SHANK1: variants seen among roughly 807,000 people sequenced by gnomAD.
SHANK1 encodes SH3 and multiple ankyrin repeat domains protein 1.
A neutral mutation model predicts 165.6 loss-of-function variants in SHANK1; 35 were observed. The observed-to-expected ratio is 0.21, with a 90% CI of 0.16 to 0.28. The LOEUF (loss-of-function observed/expected upper bound fraction) is 0.28, where lower values mean the gene tolerates loss of function less well. Among genes scored for constraint, SHANK1 ranks in the 10% least tolerant of loss-of-function variants. The probability of loss-of-function intolerance (pLI) is 1.00; values close to 1 mark genes in which losing one functional copy is unlikely to be tolerated. For synonymous variants in SHANK1, 1,428 were observed against 1,384.8 expected (o/e 1.03, Z -0.69); for missense variants, 2,681 against 3,036.4 (o/e 0.88, Z 2.75).
At chr19:50,701,876 A>T (rs34818842) in intron 12 of SHANK1, among the ~76,000 whole-genome samples, 43,126 of 152,154 alleles carry the variant, frequency 0.28, 6,410 homozygotes, top group Middle Eastern at 0.39. Context: ...TGAAGGTGGA[A>T]AAACCAAAGG....
chr19:50,687,102 C>A, intron 19 of SHANK1: 2 of 1,243,982 alleles, frequency 1.6e-6, no homozygotes, highest in South Asian at 2.0e-5. Context: ...AGGTGAGGGG[C>A]CCCCTGTCTG....
Position 50,669,179 on chromosome 19 carries a change from G to A in SHANK1, c.2781C>T (p.Ser927=), listed in dbSNP as rs775137120. Residue 927 remains serine, a synonymous_variant, in exon 23 of 24, where the codon TCC becomes TCT. Coordinates refer to ENST00000293441, the MANE Select transcript of SHANK1 (RefSeq NM_016148.5). ...GTGTGCTGTAGGGAGGCTCCGGTGG[G>A]GACGTGGTGGGTGGCGGGGGAATGT... is the stretch of plus-strand genomic sequence containing the variant. ...SEDIPPPPTT[S]PPEPPYSTPP... 1.9e-6 allele frequency: 3 copies of A among 1,601,968 alleles called. No individual in the cohort carries two copies. The African/African-American group carries it at 4.0e-5, about 22-fold the overall frequency.
chr19:50,696,302 G>T (rs550254220), intron 15 of SHANK1, among the ~76,000 whole-genome samples: 1 of 152,258 alleles, frequency 6.6e-6, no homozygotes, highest in Non-Finnish European at 1.5e-5. Context: ...CCGGTGCCCA[G>T]AGCAGGAGAC....
intron 8 of SHANK1, among the ~76,000 whole-genome samples, chr19:50,704,764 A>C (rs1351705498): frequency 1.3e-5 from 2 of 152,214 alleles, no homozygotes; most frequent in African/African-American, 4.8e-5. Flanking sequence ...ATATGAAAAC[A>C]AGAAAGAATT....
chr19:50,695,773 G>T (rs1019602029), intron 15 of SHANK1, among the ~76,000 whole-genome samples: 8 of 152,128 alleles, frequency 5.3e-5, no homozygotes, highest in African/African-American at 1.9e-4. Flanking sequence ...TTCAGACTGG[G>T]CCCCAAGGCC....
In SHANK1 at chr19:50,689,153, G is replaced by A. The variant is rs760531383; in HGVS notation, c.2047+44C>T. On this transcript the variant is annotated intron_variant, in intron 16 of 23. Transcript: ENST00000293441. ...CCCCCATTTTCAGCCCTGCTTCTGG[G>A]GTCACAGAGCCCTTCTCCCATCCCC... The A allele has an allele frequency of 2.7e-6, 4 of 1,479,298 alleles. No individual in the cohort carries two copies. In the South Asian group the frequency reaches 3.4e-5, roughly 13 times the overall value. The allele number at this position is 1,479,298 out of a possible 1,614,324, so 91.6% of individuals were successfully genotyped here.
intron 15 of SHANK1, among the ~76,000 whole-genome samples, chr19:50,696,819 T>C (rs1986756182): frequency 6.6e-6 from 1 of 152,012 alleles, no homozygotes; most frequent in Non-Finnish European, 1.5e-5. Flanking sequence ...TGCCCACGGA[T>C]TCAGAGAAGC....
rs1985559437 is a variant in SHANK1, at chr19:50,667,126, C to A, written c.4834G>T (p.Ala1612Ser). 6.5e-7 allele frequency: 1 copy of A among 1,529,580 alleles called. No homozygotes were observed. The highest frequency in any genetic ancestry group is 1.4e-5 in the African/African-American group (1 of 73,130). The allele number at this position is 1,529,580 out of a possible 1,614,324, so 94.8% of individuals were successfully genotyped here. A position where few individuals can be genotyped will look rare whatever the true frequency, so the allele number is the denominator to read the frequency against. Residue 1612 changes from alanine (A) to serine (S), a missense_variant, in exon 23 of 24, where the codon GCA becomes TCA. This residue lies in a region of SHANK1 where 1,713 missense variants were observed against 1,630.2 expected (regional missense o/e 1.05). Transcript: ENST00000293441. The surrounding 1 kb of genome is among the most constrained non-coding windows in gnomAD (Gnocchi z 5.7). ...GTGGAGTCCAGGGTGGGAGGGGCTG[C>A]GGCCACAGCCGGGGGTGGCACAGGG... ...LPPVPPPAVA[A>S]APPTLDSTAS... is the part of the protein sequence containing the mutation.
intron 8 of SHANK1, 168 bp downstream of exon 8, chr19:50,711,203 T>C (rs919790907): frequency 6.0e-5 from 36 of 596,884 alleles, no homozygotes; most frequent in Non-Finnish European, 1.5e-5. Context: ...GATGGATGGA[T>C]GGATGGATGG....
In SHANK1 at chr19:50,680,443, G is replaced by C. The variant is rs932589052; in HGVS notation, c.2577+5794C>G. Among the ~76,000 whole-genome samples the C allele has an allele frequency of 1.5e-3, 231 of 152,240 alleles. 2 individuals are homozygous for C. Among genetic ancestry groups the C allele is most frequent in the African/African-American group, 4.4e-3 (184 of 41,538 alleles). On this transcript the variant is annotated intron_variant, in intron 21 of 23. Coordinates refer to ENST00000293441, the MANE Select transcript of SHANK1 (RefSeq NM_016148.5). ...GAGCCCTCGGGCATCAGTGGCGGGT[G>C]ACAAAGACAGTACCAGAGAAAGCCA...
Position 50,669,074 on chromosome 19 carries a change from G to A in SHANK1, c.2886C>T (p.Leu962=), listed in dbSNP as rs1599842057. The change falls in exon 23 of 24, where the codon CTC becomes CTT. Residue 962 remains leucine (L), a synonymous_variant. Coordinates refer to ENST00000293441, the MANE Select transcript of SHANK1 (RefSeq NM_016148.5). ...CAAAGGATGCAGGGGAGGAGGCGGGGAGGGGGCCACCAGAGCCAGGGTTGA... is the reference window on the plus strand; with the variant it reads ...CAAAGGATGCAGGGGAGGAGGCGGGAAGGGGGCCACCAGAGCCAGGGTTGA... The part of the protein sequence containing the change: ...GPFNPGSGGP[L]PASSPASFDG... The A allele has an allele frequency of 2.4e-6, 3 of 1,229,956 alleles. No homozygotes were observed. The highest frequency in any genetic ancestry group is 2.6e-5 in the East Asian group (1 of 38,120). The allele number at this position is 1,229,956 out of a possible 1,614,324, so 76.2% of individuals were successfully genotyped here.
In SHANK1 at chr19:50,702,782, A is replaced by C; in HGVS notation, c.1554-122T>G. The C allele has an allele frequency of 1.5e-6, 1 of 652,848 alleles. No individual in the cohort carries two copies. Among genetic ancestry groups the C allele is most frequent in the Non-Finnish European group, 2.6e-6 (1 of 387,486 alleles). The allele number at this position is 652,848 out of a possible 1,614,324, so 40.4% of individuals were successfully genotyped here. ...CAGGGGGGAGGGGGGGTTTCCCAGCACTGGCGTCCTCCAAGGAAGAGGGCA... is the reference window on the plus strand; with the variant it reads ...CAGGGGGGAGGGGGGGTTTCCCAGCCCTGGCGTCCTCCAAGGAAGAGGGCA... On this transcript the variant is annotated intron_variant, in intron 11 of 23. Coordinates refer to ENST00000293441, the MANE Select transcript of SHANK1 (RefSeq NM_016148.5). This position sits in a 1 kb window ranked among gnomAD's most constrained non-coding sequence, Gnocchi z 5.3.
At position 50,697,681 on chromosome 19, in the gene SHANK1, G is replaced by T. The variant is rs1292583175; in HGVS notation, c.1862-17C>A. The T allele has an allele frequency of 6.2e-7, 1 of 1,612,166 alleles. No homozygotes were observed. Among genetic ancestry groups the T allele is most frequent in the South Asian group, 1.1e-5 (1 of 91,040 alleles). On this transcript the variant is annotated splice_polypyrimidine_tract_variant and intron_variant, in intron 13 of 23. Transcript: ENST00000293441. The surrounding 1 kb of genome is among the most constrained non-coding windows in gnomAD (Gnocchi z 4.7). ...TGCGGCTTTCTGCAGGGTGACAACAGACAACCTTGGACTCTTGTTTTGGAA... is the reference window on the plus strand; with the variant it reads ...TGCGGCTTTCTGCAGGGTGACAACATACAACCTTGGACTCTTGTTTTGGAA...
In SHANK1 at chr19:50,661,642, C is replaced by A. The variant is rs1430471997; in HGVS notation, c.*323G>T. On this transcript the variant is annotated 3_prime_UTR_variant, in exon 24 of 24. Coordinates refer to ENST00000293441, the MANE Select transcript of SHANK1 (RefSeq NM_016148.5). ...CATCCAATCGGGCTCAGGGCTGACC[C>A]TCTATGGCTCTGTCTATCCCCTCCC... Among the ~76,000 whole-genome samples, 1 of 152,078 alleles carries A rather than the reference C, an allele frequency of 6.6e-6. No individual in the cohort carries two copies. The highest frequency in any genetic ancestry group is 1.5e-5 in the Non-Finnish European group (1 of 67,992).
intron 21 of SHANK1, among the ~76,000 whole-genome samples, chr19:50,684,827 AAATCCACCGCC>A (rs1986284159): frequency 6.6e-6 from 1 of 152,254 alleles, no homozygotes; most frequent in South Asian, 2.1e-4. Flanking sequence ...AGAGTTGTTA[AAATCCACCGCC>A]AATGTCTAAC....
chr19:50,709,135 ATATT>A lies in SHANK1; in HGVS notation c.1077+2232_1077+2235del, dbSNP rs528468150. On this transcript the variant is annotated intron_variant, in intron 8 of 23. Coordinates refer to ENST00000293441, the MANE Select transcript of SHANK1 (RefSeq NM_016148.5). ...CCCACTTGATCCTTTTGCATGGTAG[ATATT>A]TATTTATTTATTTTTTTGAGACGGA... Among the ~76,000 whole-genome samples, 348 of 152,286 alleles carry A rather than the reference ATATT, an allele frequency of 2.3e-3. 1 individual carries two copies. The highest frequency in any genetic ancestry group is 8.0e-3 in the African/African-American group (331 of 41,554).
At chr19:50,711,319 G>A in intron 8 of SHANK1, 52 bp downstream of exon 8, 2 of 1,247,980 alleles carry the variant, frequency 1.6e-6, no homozygotes, top group East Asian at 2.5e-5. Flanking sequence ...GGCCCTGGGG[G>A]AGGCGGCTAT....
At chr19:50,687,559 C>T (rs981081941) in intron 19 of SHANK1, 23 bp downstream of exon 19, 19 of 1,541,786 alleles carry the variant, frequency 1.2e-5, no homozygotes, top group Admixed American at 2.0e-5. Context: ...GGCCCCCTGG[C>T]CTCAGCAGCC....
chr19:50,676,467 C>A (rs1244840640), intron 21 of SHANK1, among the ~76,000 whole-genome samples: 1 of 151,962 alleles, frequency 6.6e-6, no homozygotes, highest in Non-Finnish European at 1.5e-5. Flanking sequence ...GTGAGCCAGG[C>A]AGGCTCAGGA....
Sources: allele counts gnomAD v4.1 joint callset (sites outside exome capture counted in the v4.1 genomes callset), GRCh38; gene constraint gnomAD v4.1.1; regional missense constraint gnomAD v4.1.1; non-coding constraint Gnocchi (gnomAD v3.1); transcripts MANE v1.5; gene names NCBI Gene and HGNC (gene_info 2026-07-23, HGNC 2026-07-21).